MFHAS1: variants seen among roughly 807,000 people sequenced by gnomAD.
The protein encoded by MFHAS1 is multifunctional ROCO family signaling regulator 1, also known as malignant fibrous histiocytoma-amplified sequence 1.
MFHAS1 carries 50 observed loss-of-function variants against 70.4 expected under a neutral mutation model. The observed-to-expected ratio is 0.71, with a 90% confidence interval of 0.57 to 0.90. MFHAS1 has a LOEUF of 0.90. MFHAS1 is among the 40% of genes least tolerant of loss of function. The pLI is 0.00. For missense variants in MFHAS1, 1,795 were observed against 1,347.6 expected (o/e 1.33, Z -5.20); for synonymous variants, 952 against 620.0 (o/e 1.54, Z -7.96).
chr8:8,826,892 T>C (rs569031540), intron 1 of MFHAS1, among the ~76,000 whole-genome samples: 1 of 152,308 alleles, frequency 6.6e-6, no homozygotes, highest in Non-Finnish European at 1.5e-5. Flanking sequence ...ACATAATTAG[T>C]ACCGCAGAGG....
intron 1 of MFHAS1, among the ~76,000 whole-genome samples, chr8:8,807,831 T>C (rs1296155080): frequency 6.6e-6 from 1 of 152,206 alleles, no homozygotes; most frequent in African/African-American, 2.4e-5. Flanking sequence ...TTAGTAACAA[T>C]TTAAAAAGCA....
At chr8:8,850,811 C>T (rs1396600684) in intron 1 of MFHAS1, among the ~76,000 whole-genome samples, 1 of 105,514 alleles carries the variant, frequency 9.5e-6, no homozygotes, top group Non-Finnish European at 1.9e-5. Flanking sequence ...AACTCCGTCT[C>T]AAAAAAAAAA....
intron 1 of MFHAS1, among the ~76,000 whole-genome samples, chr8:8,835,457 G>A (rs188284346): frequency 2.0e-5 from 3 of 152,102 alleles, no homozygotes; most frequent in African/African-American, 7.2e-5. Context: ...GTGACTACAA[G>A]GTATCACAGC....
At chr8:8,790,993 T>C (rs975722659) in intron 2 of MFHAS1, among the ~76,000 whole-genome samples, 13 of 152,142 alleles carry the variant, frequency 8.5e-5, no homozygotes, top group African/African-American at 2.7e-4. Flanking sequence ...CTCTACAGTA[T>C]AGAGGCAATA....
chr8:8,874,804 C>G (rs2116916589), intron 1 of MFHAS1, among the ~76,000 whole-genome samples: 1 of 146,890 alleles, frequency 6.8e-6, no homozygotes, highest in East Asian at 2.0e-4. Flanking sequence ...GTTTTTAAAG[C>G]AAAGAGGGGA....
intron 1 of MFHAS1, among the ~76,000 whole-genome samples, chr8:8,821,205 C>T (rs1168234272): frequency 3.3e-5 from 5 of 152,282 alleles, no homozygotes; most frequent in East Asian, 1.9e-4. Flanking sequence ...AACTGCCTGC[C>T]GGGGGATTAG....
intron 1 of MFHAS1, among the ~76,000 whole-genome samples, chr8:8,807,084 C>A (rs562264831): frequency 6.6e-6 from 1 of 152,074 alleles, no homozygotes; most frequent in African/African-American, 2.4e-5. Flanking sequence ...GCACGCTGGG[C>A]GCTTTTGAAA....
chr8:8,856,814 G>A (rs568336883), intron 1 of MFHAS1, among the ~76,000 whole-genome samples: 3 of 151,926 alleles, frequency 2.0e-5, no homozygotes, highest in Admixed American at 6.6e-5. Flanking sequence ...TCCTGTCACC[G>A]GCATGTATCA....
intron 1 of MFHAS1, among the ~76,000 whole-genome samples, chr8:8,813,662 T>C (rs535139047): frequency 1.3e-5 from 2 of 152,326 alleles, no homozygotes; most frequent in African/African-American, 4.8e-5. Flanking sequence ...TGTACAATGT[T>C]TGTATTTTAA....
intron 1 of MFHAS1, among the ~76,000 whole-genome samples, chr8:8,865,087 C>T (rs1448234042): frequency 6.6e-6 from 1 of 151,878 alleles, no homozygotes; most frequent in Non-Finnish European, 1.5e-5. Context: ...ACCAGCCTGG[C>T]CAACATGGTG....
rs1417900015 is a variant in MFHAS1 at position 8,785,401 on chromosome 8, G to A, written c.*621C>T. 6.9e-6 allele frequency: 1 copy of A among 144,254 alleles called. No homozygotes were observed. The highest frequency in any genetic ancestry group is 7.0e-5 in the Admixed American group (1 of 14,262). 8.9% of individuals were successfully genotyped at this position (144,254 alleles called of 1,614,324 possible). A position where few individuals can be genotyped will look rare whatever the true frequency, so the allele number is the denominator to read the frequency against. On this transcript the variant is annotated 3_prime_UTR_variant, in exon 3 of 3. Transcript: ENST00000276282. Reference sequence around the variant, plus strand: ...CTAACAGAGAGATTTTTTTTTTAATGTGAAGAGGATTAAAGAATAAAGAAA... The same window carrying A: ...CTAACAGAGAGATTTTTTTTTTAATATGAAGAGGATTAAAGAATAAAGAAA...
chr8:8,880,677 CTTTTTTGT>C (rs1563218206), intron 1 of MFHAS1, among the ~76,000 whole-genome samples: 1 of 142,814 alleles, frequency 7.0e-6, no homozygotes, highest in African/African-American at 2.7e-5. Context: ...ACATCCCTTC[CTTTTTTGT>C]TTTTTTTTTT....
chr8:8,810,093 G>A (rs2048420), intron 1 of MFHAS1, among the ~76,000 whole-genome samples: 20,701 of 152,214 alleles, frequency 0.14, 1,864 homozygotes, highest in Non-Finnish European at 0.2. Context: ...CAGGCCGGGC[G>A]CAGTGGCTCG....
At chr8:8,867,799 G>C (rs1239647705) in intron 1 of MFHAS1, among the ~76,000 whole-genome samples, 1 of 151,856 alleles carries the variant, frequency 6.6e-6, no homozygotes, top group African/African-American at 2.4e-5. Context: ...CCTCGTGATG[G>C]GCCCACCTCG....
intron 1 of MFHAS1, among the ~76,000 whole-genome samples, chr8:8,806,294 A>C (rs757948046): frequency 1.7e-4 from 26 of 152,168 alleles, no homozygotes; most frequent in Non-Finnish European, 2.6e-4. Context: ...GGCCAGGTAG[A>C]AACTTCAGGA....
At chr8:8,866,600 G>A (rs1009989242) in intron 1 of MFHAS1, among the ~76,000 whole-genome samples, 2 of 152,174 alleles carry the variant, frequency 1.3e-5, no homozygotes, top group African/African-American at 4.8e-5. Context: ...TTACAGGCAT[G>A]AGCCACTGCA....
At position 8,794,403 on chromosome 8, in the gene MFHAS1, G is replaced by A. The variant is rs111680721; in HGVS notation, c.3125+2962C>T. ...CCAAATCTCCCGCTTCCAATCCACT[G>A]TCAACCACCCATGAATGGGACCTTC... On this transcript the variant is annotated intron_variant, in intron 2 of 2. Coordinates refer to ENST00000276282, the MANE Select transcript of MFHAS1 (RefSeq NM_004225.3). 8.0e-3 allele frequency among the ~76,000 whole-genome samples: 1,212 copies of A among 152,260 alleles called. 14 individuals are homozygous for A. The highest frequency in any genetic ancestry group is 0.048 in the South Asian group (233 of 4,824).
chr8:8,807,418 C>A (rs1365955182), intron 1 of MFHAS1, among the ~76,000 whole-genome samples: 1 of 152,116 alleles, frequency 6.6e-6, no homozygotes, highest in Non-Finnish European at 1.5e-5. Context: ...TCACTTACTG[C>A]CTCTCAAAAG....
chr8:8,852,095 G>A (rs991818070), intron 1 of MFHAS1, among the ~76,000 whole-genome samples: 38 of 152,094 alleles, frequency 2.5e-4, no homozygotes, highest in South Asian at 2.1e-4. Flanking sequence ...CATGGGAGTC[G>A]CACCCTTAGC....
Sources: allele counts gnomAD v4.1 joint callset (sites outside exome capture counted in the v4.1 genomes callset), GRCh38; gene constraint gnomAD v4.1.1; transcripts MANE v1.5; gene names NCBI Gene and HGNC (gene_info 2026-07-23, HGNC 2026-07-21).